COL9A3: variants seen among roughly 807,000 people sequenced by gnomAD.
The protein encoded by COL9A3 is collagen type IX alpha 3 chain, also known as collagen alpha-3(IX) chain.
Under a neutral mutation model 110.2 loss-of-function variants are expected in COL9A3, and 82 were observed. The ratio of observed to expected loss-of-function variants is 0.74; its 90% CI spans 0.62 to 0.89. The LOEUF (loss-of-function observed/expected upper bound fraction) is 0.89. Among genes scored for constraint, COL9A3 ranks in the 40% least tolerant of loss-of-function variants. The probability of loss-of-function intolerance (pLI) is 0.00; values close to 1 mark genes in which losing one functional copy is unlikely to be tolerated. For synonymous variants in COL9A3, 494 were observed against 403.8 expected, an observed-to-expected ratio of 1.22 and a Z score of -2.68; for missense variants, 1,066 against 981.3, an observed-to-expected ratio of 1.09 and a Z score of -1.15.
chr20:62,818,791 AG>A (rs559017038), intron 3 of COL9A3, among the ~76,000 whole-genome samples: 2 of 152,102 alleles, frequency 1.3e-5, no homozygotes, highest in Non-Finnish European at 2.9e-5. Context: ...GACCAGCGCC[AG>A]GCAGGCCGGG....
In COL9A3 at chr20:62,822,679, T is replaced by G. The variant is rs1460850572; in HGVS notation, c.519+47T>G. ...TTAAGGGTGCTGGGGGGTGCCTACC[T>G]TGGGGGGAGGGGTTCTGGCCTGGAG... On this transcript the variant is annotated intron_variant, in intron 10 of 31. Transcript: ENST00000649368. 12 of 1,593,728 alleles carry G rather than the reference T, an allele frequency of 7.5e-6. 1 individual carries two copies. The African/African-American group carries it at 8.0e-5, about 11-fold the overall frequency.
intron 26 of COL9A3, among the ~76,000 whole-genome samples, chr20:62,834,768 G>C (rs944853179): frequency 6.6e-6 from 1 of 151,954 alleles, no homozygotes; most frequent in Admixed American, 6.6e-5. Context: ...TCAGCCTCCC[G>C]AGTAGCTGGG....
At chr20:62,840,129 A>C (rs1254025991) in intron 31 of COL9A3, among the ~76,000 whole-genome samples, 2 of 150,194 alleles carry the variant, frequency 1.3e-5, no homozygotes, top group South Asian at 2.1e-4. Flanking sequence ...GACACCCCCC[A>C]CTTAGGCGGC....
chr20:62,828,656 C>A, intron 17 of COL9A3, 108 bp from the exon 18 acceptor site: 1 of 1,252,116 alleles, frequency 8.0e-7, no homozygotes, highest in Non-Finnish European at 1.1e-6. Flanking sequence ...GGTGTGGGGG[C>A]AGACACAGTT....
intron 26 of COL9A3, among the ~76,000 whole-genome samples, chr20:62,833,812 C>G (rs1401490737): frequency 6.6e-6 from 1 of 152,038 alleles, no homozygotes; most frequent in Non-Finnish European, 1.5e-5. Flanking sequence ...ATTTTCCTGC[C>G]TCAGCCTCCT....
At chr20:62,835,166 G>A (rs1026383017) in intron 26 of COL9A3, among the ~76,000 whole-genome samples, 6 of 152,368 alleles carry the variant, frequency 3.9e-5, no homozygotes, top group Non-Finnish European at 5.9e-5. Flanking sequence ...TCTGCTGTGC[G>A]GTTAGACTGT....
chr20:62,819,703 G>C (rs1276307863), intron 4 of COL9A3, among the ~76,000 whole-genome samples: 1 of 152,202 alleles, frequency 6.6e-6, no homozygotes, highest in Non-Finnish European at 1.5e-5. Context: ...GACTACAGCA[G>C]GTGCCTCCGT....
Position 62,824,954 on chromosome 20 carries a change from A to G in COL9A3, c.577-14A>G. 1 of 1,607,502 alleles carries G rather than the reference A, an allele frequency of 6.2e-7. No homozygotes were observed. Among genetic ancestry groups the G allele is most frequent in the Non-Finnish European group, 8.5e-7 (1 of 1,178,214 alleles). On this transcript the variant is annotated splice_polypyrimidine_tract_variant and intron_variant, in intron 11 of 31. Coordinates refer to ENST00000649368, the MANE Select transcript of COL9A3 (RefSeq NM_001853.4). The stretch of plus-strand genomic sequence containing the variant: ...GGGGTCTGGGTGGGGCAGTGACCCC[A>G]CATTTGCTTGCAGGGACCCACTGGC...
rs2063652975 is a variant in COL9A3, at chr20:62,838,665, T to C, written c.1787-19T>C. ...AACAGATACTCTAACCATATGTCTG[T>C]GTCCACACCTCGTGACAGGAAACCA... On this transcript the variant is annotated intron_variant, in intron 30 of 31. Transcript: ENST00000649368. 2 of 1,550,544 alleles carry C rather than the reference T, an allele frequency of 1.3e-6. No individual in the cohort carries two copies. The highest frequency in any genetic ancestry group is 1.7e-6 in the Non-Finnish European group (2 of 1,145,856).
At chr20:62,820,967 G>T (rs940412207) in intron 5 of COL9A3, among the ~76,000 whole-genome samples, 1 of 152,176 alleles carries the variant, frequency 6.6e-6, no homozygotes, top group Non-Finnish European at 1.5e-5. Context: ...TGCAGCGAGC[G>T]CTGGGACTCT....
Position 62,840,750 on chromosome 20 carries a change from C to A in COL9A3, c.*18C>A. The stretch of plus-strand genomic sequence containing the variant: ...GCTCATAAAATTCAACGTGAGGAAG[C>A]AAGTGACAAGGACGCCCGAAGCACA... On this transcript the variant is annotated 3_prime_UTR_variant, in exon 32 of 32. Coordinates refer to ENST00000649368, the MANE Select transcript of COL9A3 (RefSeq NM_001853.4). 1 of 1,555,394 alleles carries A rather than the reference C, an allele frequency of 6.4e-7. No homozygotes were observed. Among genetic ancestry groups the A allele is most frequent in the Admixed American group, 2.0e-5 (1 of 51,254 alleles).
chr20:62,836,693 G>A (rs558792830), intron 29 of COL9A3, 161 bp downstream of exon 29: 7 of 766,964 alleles, frequency 9.1e-6, no homozygotes, highest in Admixed American at 2.7e-5. Context: ...GTCCGCCTTG[G>A]CGTCTGCCTG....
In COL9A3 at chr20:62,817,626, C is replaced by G; in HGVS notation, c.138C>G (p.Asp46Glu). 1 of 1,540,608 alleles carries G rather than the reference C, an allele frequency of 6.5e-7. No homozygotes were observed. Among genetic ancestry groups the G allele is most frequent in the Non-Finnish European group, 8.8e-7 (1 of 1,141,648 alleles). ...GGCCGCCCGGGAAGCCCGGCCAGGA[C>G]GGCATTGACGTGAGTTTGGGGGTGG... ...PPGPPGKPGQ[D>E]GIDGEAGPPG... Residue 46 changes from aspartate (D) to glutamate (E), a missense_variant, in exon 2 of 32, where the codon GAC becomes GAG. Transcript: ENST00000649368.
intron 20 of COL9A3, 38 bp downstream of exon 20, chr20:62,829,537 G>T (rs781423224): frequency 1.2e-6 from 2 of 1,611,226 alleles, no homozygotes; most frequent in Non-Finnish European, 1.7e-6. Flanking sequence ...GGGAGGGGAG[G>T]CGAGGGGCCG....
In COL9A3 at chr20:62,836,179, C is replaced by T. The variant is rs2063633536; in HGVS notation, c.1402-8C>T. 1.2e-6 allele frequency: 2 copies of T among 1,612,920 alleles called. No homozygotes were observed. Among genetic ancestry groups the T allele is most frequent in the Admixed American group, 1.7e-5 (1 of 59,944 alleles). On this transcript the variant is annotated splice_region_variant and splice_polypyrimidine_tract_variant and intron_variant, in intron 27 of 31. Coordinates refer to ENST00000649368, the MANE Select transcript of COL9A3 (RefSeq NM_001853.4). ...GCCCCTGACCCACCTTCCTCTGTTC[C>T]TCTGCAGTCTGGCAGTCGAGGGGAG...
chr20:62,833,148 T>A, intron 26 of COL9A3, 84 bp downstream of exon 26: 1 of 1,127,702 alleles, frequency 8.9e-7, no homozygotes, highest in Non-Finnish European at 1.4e-6. Flanking sequence ...GGGGACAGGG[T>A]CAAAATCTGC....
chr20:62,827,950 G>A lies in COL9A3; in HGVS notation c.874G>A (p.Gly292Arg), dbSNP rs768224094. 2.6e-5 allele frequency: 42 copies of A among 1,612,860 alleles called. No homozygotes were observed. Among genetic ancestry groups the A allele is most frequent in the Middle Eastern group, 1.6e-4 (1 of 6,084 alleles). ...LGRPGPKGTP[G>R]VAGPSGEPGM... ...CAGACCTGGTCCCAAGGGAACCCCC[G>A]GAGTGGCCGGGCCAAGCGGAGAGCC... is the stretch of plus-strand genomic sequence containing the variant. Residue 292 changes from glycine (G) to arginine (R), a missense_variant, in exon 17 of 32, where the codon GGA (glycine) becomes AGA (arginine). Physicochemically the swap from Gly to Arg is moderately radical, Grantham distance 125. Coordinates refer to ENST00000649368, the MANE Select transcript of COL9A3 (RefSeq NM_001853.4).
chr20:62,832,911 C>A, intron 25 of COL9A3, 109 bp from the exon 26 acceptor site: 1 of 1,066,222 alleles, frequency 9.4e-7, no homozygotes. Flanking sequence ...TGGCCTCGAC[C>A]TTAAGATGAA....
Position 62,836,204 on chromosome 20 carries a change from G to A in COL9A3, c.1419G>A (p.Glu473=), listed in dbSNP as rs1339902686. Residue 473 remains glutamate, a synonymous_variant, in exon 28 of 32, where the codon GAG becomes GAA. Coordinates refer to ENST00000649368, the MANE Select transcript of COL9A3 (RefSeq NM_001853.4). ...GPKGESGSRG[E]LGPKGTQGPN... ...CTCTGCAGTCTGGCAGTCGAGGGGAGCTGGGCCCCAAAGGCACCCAGGGTC... is the reference window on the plus strand; with the variant it reads ...CTCTGCAGTCTGGCAGTCGAGGGGAACTGGGCCCCAAAGGCACCCAGGGTC... 6.2e-7 allele frequency: 1 copy of A among 1,613,352 alleles called. No homozygotes were observed. Among genetic ancestry groups the A allele is most frequent in the Non-Finnish European group, 8.5e-7 (1 of 1,179,976 alleles).
Sources: gnomAD v4.1 joint callset for allele counts (sites outside exome capture counted in the v4.1 genomes callset) on GRCh38, gnomAD v4.1.1 for gene constraint, MANE v1.5 for transcripts, NCBI Gene and HGNC (gene_info 2026-07-23, HGNC 2026-07-21) for gene names.